Variants in MDN1 observed in about 807,000 individuals in gnomAD.
The protein encoded by MDN1 is midasin AAA ATPase 1.
Under a neutral mutation model 669.2 loss-of-function variants are expected in MDN1, and 266 were observed. The observed-to-expected ratio is 0.40, with a 90% CI of 0.36 to 0.44. The LOEUF (loss-of-function observed/expected upper bound fraction) is 0.44, where lower values mean the gene tolerates loss of function less well. Ranked by LOEUF, MDN1 falls within the 20% of genes least tolerant of loss-of-function variation. The probability of loss-of-function intolerance (pLI) is 1.00; values close to 1 mark genes in which losing one functional copy is unlikely to be tolerated. For missense variants in MDN1, 5,940 were observed against 6,754.0 expected (o/e 0.88, Z 4.22); for synonymous variants, 2,385 against 2,457.1 (o/e 0.97, Z 0.87).
rs781457716 is a variant in MDN1 at position 89,655,927 on chromosome 6, G to C, written c.15327C>G (p.Ser5109=). 8 of 1,613,894 alleles carry C rather than the reference G, an allele frequency of 5.0e-6. No individual in the cohort carries two copies. In the Admixed American group the frequency reaches 1.3e-4, roughly 27 times the overall value. Residue 5109 remains serine, a synonymous_variant, in exon 92 of 102, where the codon TCC becomes TCG. Coordinates refer to ENST00000369393, the MANE Select transcript of MDN1 (RefSeq NM_014611.3). Reference sequence around the variant, plus strand: ...GCACACGCTCATTGTGATCACCCATGGAACGTTCATTGTCAGCCTGCCCAG... The same window carrying C: ...GCACACGCTCATTGTGATCACCCATCGAACGTTCATTGTCAGCCTGCCCAG... ...RKPGQADNER[S]MGDHNERVHK... is the part of the protein sequence containing the mutation.
chr6:89,808,761 C>T (rs1364015983), intron 1 of MDN1, among the ~76,000 whole-genome samples: 1 of 152,166 alleles, frequency 6.6e-6, no homozygotes, highest in African/African-American at 2.4e-5. Flanking sequence ...CAGCTGGAAT[C>T]ATTCTAGGGC....
At chr6:89,727,687 A>C in intron 37 of MDN1, 146 bp downstream of exon 37, 1 of 1,327,078 alleles carries the variant, frequency 7.5e-7, no homozygotes, top group South Asian at 1.4e-5. Flanking sequence ...TCATTCTTAA[A>C]GAAAACTACA....
intron 100 of MDN1, among the ~76,000 whole-genome samples, chr6:89,645,811 A>C (rs1431180638): frequency 6.6e-6 from 1 of 152,242 alleles, no homozygotes; most frequent in African/African-American, 2.4e-5. Context: ...GACAGGTGTG[A>C]ATAACTTGCT....
At chr6:89,665,215 A>G (rs1347019704) in intron 84 of MDN1, among the ~76,000 whole-genome samples, 1 of 151,928 alleles carries the variant, frequency 6.6e-6, no homozygotes, top group African/African-American at 2.4e-5. Context: ...TTTGCTAGAG[A>G]CGTGGCCTTG....
intron 36 of MDN1, 130 bp downstream of exon 36, chr6:89,728,801 A>G (rs1384470809): frequency 2.1e-6 from 2 of 975,484 alleles, no homozygotes; most frequent in Admixed American, 2.7e-5. Flanking sequence ...TCAAAAAAAC[A>G]AAGAAAAGAA....
chr6:89,771,990 A>AGCCACTGCAT (rs1455252932), intron 14 of MDN1, among the ~76,000 whole-genome samples: 8 of 152,166 alleles, frequency 5.3e-5, no homozygotes, highest in African/African-American at 1.9e-4. Flanking sequence ...TACAGGCATG[A>AGCCACTGCAT]GCCACTGCGC....
rs1325294856 is a variant in MDN1, at chr6:89,749,667, A to G, written c.3491T>C (p.Leu1164Pro). 11 of 1,614,026 alleles carry G rather than the reference A, an allele frequency of 6.8e-6. No homozygotes were observed. In the Admixed American group the frequency reaches 1.8e-4, roughly 27 times the overall value. The stretch of plus-strand genomic sequence containing the variant: ...ACGGTTATCATCCAACAGCCTATTC[A>G]GCGCCTCTAACACATCAGTAGGGGC... ...NLAPTDVLEA[L>P]NRLLDDNREL... The change falls in exon 25 of 102, where the codon CTG (leucine) becomes CCG (proline). Residue 1164 changes from leucine (L) to proline (P), a missense_variant. This residue lies in a region of MDN1 where 2,292 missense variants were observed against 2,638.3 expected (regional missense o/e 0.87). Transcript: ENST00000369393.
chr6:89,756,934 A>AC (rs1817284292), intron 19 of MDN1, among the ~76,000 whole-genome samples: 1 of 151,936 alleles, frequency 6.6e-6, no homozygotes. Context: ...AAAAAAAAAA[A>AC]GATACAAAAA....
intron 1 of MDN1, among the ~76,000 whole-genome samples, chr6:89,819,044 A>C (rs1217942045): frequency 6.6e-6 from 1 of 152,156 alleles, no homozygotes; most frequent in African/African-American, 2.4e-5. Context: ...TTATCTATCC[A>C]CTTTCTCACA....
intron 71 of MDN1, 71 bp downstream of exon 71, chr6:89,684,805 A>G (rs1811895535): frequency 1.0e-6 from 1 of 955,114 alleles, no homozygotes; most frequent in Non-Finnish European, 1.6e-6. Flanking sequence ...TTAAATGGAT[A>G]ACAGGGTTAA....
intron 5 of MDN1, among the ~76,000 whole-genome samples, chr6:89,791,936 C>T (rs1227165835): frequency 7.5e-6 from 1 of 133,470 alleles, no homozygotes; most frequent in Non-Finnish European, 1.5e-5. Context: ...GGCACGATCT[C>T]GGCTCACTGA....
intron 17 of MDN1, among the ~76,000 whole-genome samples, chr6:89,759,889 T>C (rs1310991025): frequency 3.3e-5 from 5 of 151,146 alleles, no homozygotes; most frequent in Admixed American, 3.3e-4. Context: ...CTGGCCAACA[T>C]GGCAAAACCC....
rs142714115 is a variant in MDN1, at chr6:89,643,651, T to TG, written c.*353dup. 4.0e-4 allele frequency: 76 copies of TG among 188,662 alleles called. No homozygotes were observed. In the East Asian group the frequency reaches 7.3e-3, roughly 18 times the overall value. The allele number at this position is 188,662 out of a possible 1,614,324, so 11.7% of individuals were successfully genotyped here. On this transcript the variant is annotated 3_prime_UTR_variant, in exon 102 of 102. Transcript: ENST00000369393. ...AAGGACTGTCAGAGTCCCATGCTCCTGGCAGCATCTCCTCAAGGCACAGGT... is the reference window on the plus strand; with the variant it reads ...AAGGACTGTCAGAGTCCCATGCTCCTGGGCAGCATCTCCTCAAGGCACAGGT...
intron 90 of MDN1, among the ~76,000 whole-genome samples, chr6:89,657,764 G>C (rs1365202964): frequency 6.6e-6 from 1 of 152,222 alleles, no homozygotes; most frequent in Non-Finnish European, 1.5e-5. Context: ...CAACGTTTCA[G>C]TCAAGGAAAG....
rs1562177515 is a variant in MDN1 at position 89,749,611 on chromosome 6, C to T, written c.3547G>A (p.Val1183Ile). The change falls in exon 25 of 102, where the codon GTT becomes ATT. Residue 1183 changes from valine (V) to isoleucine (I), a missense_variant. Physicochemically the swap from Val to Ile is conservative, Grantham distance 29. This residue lies in a region of MDN1 where 2,292 missense variants were observed against 2,638.3 expected (regional missense o/e 0.87). Coordinates refer to ENST00000369393, the MANE Select transcript of MDN1 (RefSeq NM_014611.3). ...ELLVTETQEV[V>I]KAHPRFMLFA... ...AGCATAAACCGAGGGTGTGCTTTAA[C>T]AACTTCCTGTGTTTCTGTTACTAGC... 6.2e-7 allele frequency: 1 copy of T among 1,614,194 alleles called. No homozygotes were observed. The highest frequency in any genetic ancestry group is 8.5e-7 in the Non-Finnish European group (1 of 1,180,040).
chr6:89,762,184 A>C (rs962950355), intron 16 of MDN1, 135 bp downstream of exon 16: 1 of 703,484 alleles, frequency 1.4e-6, no homozygotes, highest in Non-Finnish European at 2.4e-6. Context: ...GGGGCACAAT[A>C]CTTCACAATT....
intron 79 of MDN1, 59 bp from the exon 80 acceptor site, chr6:89,673,521 C>T: frequency 7.0e-7 from 1 of 1,433,604 alleles, no homozygotes; most frequent in Non-Finnish European, 9.7e-7. Flanking sequence ...CAAACACACA[C>T]CCCTCCCTGC....
rs1332037184 is a variant in MDN1 at position 89,673,438 on chromosome 6, A to C, written c.13272T>G (p.Ser4424=). 6.2e-7 allele frequency: 1 copy of C among 1,614,094 alleles called. No homozygotes were observed. Among genetic ancestry groups the C allele is most frequent in the East Asian group, 2.2e-5 (1 of 44,894 alleles). The change falls in exon 80 of 102, where the codon TCT becomes TCG. Residue 4424 remains serine (S), a synonymous_variant. Coordinates refer to ENST00000369393, the MANE Select transcript of MDN1 (RefSeq NM_014611.3). ...HSWKDFEVCS[S]ALSCLSQVSV... is the part of the protein sequence containing the mutation. ...ACACCTGGGACAAGCAACTCAGCGC[A>C]GAAGAGCAAACTTCAAAATCTTTCC...
intron 83 of MDN1, among the ~76,000 whole-genome samples, chr6:89,670,197 C>A (rs1810644808): frequency 1.9e-5 from 1 of 53,740 alleles, no homozygotes; most frequent in Non-Finnish European, 3.2e-5. Flanking sequence ...TTTTGAGATG[C>A]AGTTTTGCTC....
Sources: gnomAD v4.1 joint callset for allele counts (sites outside exome capture counted in the v4.1 genomes callset) on GRCh38, gnomAD v4.1.1 for gene constraint, gnomAD v4.1.1 regional missense constraint, MANE v1.5 for transcripts, NCBI Gene and HGNC (gene_info 2026-07-23, HGNC 2026-07-21) for gene names.